Variants in SLC8A1 observed in about 807,000 individuals in gnomAD.
SLC8A1 encodes solute carrier family 8 member A1.
SLC8A1 carries 18 observed loss-of-function variants against 68.3 expected under a neutral mutation model. The ratio of observed to expected loss-of-function variants is 0.26; its 90% CI spans 0.18 to 0.39. The LOEUF (loss-of-function observed/expected upper bound fraction) is 0.39, where lower values mean the gene tolerates loss of function less well. SLC8A1 is among the 10% of genes least tolerant of loss of function. The pLI, the probability that SLC8A1 is intolerant of heterozygous loss-of-function variation, is 1.00. For missense variants in SLC8A1, 985 were observed against 1,156.7 expected, an observed-to-expected ratio of 0.85 and a Z score of 2.15; for synonymous variants, 475 against 415.5, an observed-to-expected ratio of 1.14 and a Z score of -1.74.
chr2:40,196,429 T>A (rs1573904123), intron 2 of SLC8A1, among the ~76,000 whole-genome samples: 1 of 152,116 alleles, frequency 6.6e-6, no homozygotes, highest in African/African-American at 2.4e-5. Flanking sequence ...CTCAGTTTTA[T>A]GGAAGGAACA....
exon 8 of SLC8A1, chr2:40,112,439 A>T (rs991432223): frequency 6.6e-6 from 1 of 152,504 alleles, no homozygotes; most frequent in African/African-American, 2.4e-5. Flanking sequence ...TTCCTAGAAC[A>T]TGAAAATTTA....
At chr2:40,448,506 A>G (rs919346478) in intron 1 of SLC8A1, among the ~76,000 whole-genome samples, 1 of 152,190 alleles carries the variant, frequency 6.6e-6, no homozygotes, top group Non-Finnish European at 1.5e-5. Context: ...GAACAGAAAT[A>G]CCTTCGTTTA....
chr2:40,422,241 T>C (rs994005697), intron 2 of SLC8A1, among the ~76,000 whole-genome samples: 1 of 152,042 alleles, frequency 6.6e-6, no homozygotes, highest in Admixed American at 6.6e-5. Context: ...TATACTGTAA[T>C]AAGGGACTAA....
At chr2:40,141,953 C>T (rs1007407897) in intron 6 of SLC8A1, among the ~76,000 whole-genome samples, 6 of 152,130 alleles carry the variant, frequency 3.9e-5, no homozygotes, top group African/African-American at 7.2e-5. Context: ...CAGGAGAAAT[C>T]GAACCTGCCA....
chr2:40,458,628 G>C (rs895287299), intron 1 of SLC8A1, among the ~76,000 whole-genome samples: 2 of 152,086 alleles, frequency 1.3e-5, no homozygotes, highest in African/African-American at 4.8e-5. Flanking sequence ...CCTGCTCTGC[G>C]ATGACAGACA....
intron 2 of SLC8A1, among the ~76,000 whole-genome samples, chr2:40,316,699 C>A (rs1390812405): frequency 6.6e-6 from 1 of 152,008 alleles, no homozygotes; most frequent in African/African-American, 2.4e-5. Context: ...CTTCTCTGAG[C>A]TTATTTCCTA....
chr2:40,338,341 G>T (rs561504165), intron 2 of SLC8A1, among the ~76,000 whole-genome samples: 1 of 152,132 alleles, frequency 6.6e-6, no homozygotes, highest in East Asian at 1.9e-4. Flanking sequence ...GTGTGTGTGT[G>T]TATATATGTC....
chr2:40,188,787 C>T (rs990408015), intron 2 of SLC8A1, among the ~76,000 whole-genome samples: 4 of 152,194 alleles, frequency 2.6e-5, no homozygotes, highest in Non-Finnish European at 5.9e-5. Flanking sequence ...TGTTTTCCCT[C>T]CTTCCCTCTC....
At chr2:40,264,467 T>C (rs982928889) in intron 2 of SLC8A1, among the ~76,000 whole-genome samples, 4 of 152,140 alleles carry the variant, frequency 2.6e-5, no homozygotes, top group Middle Eastern at 3.4e-3. Context: ...CCAACAATGA[T>C]AGACTGGATT....
At chr2:40,463,523 T>A (rs1268836066) in intron 1 of SLC8A1, among the ~76,000 whole-genome samples, 1 of 152,130 alleles carries the variant, frequency 6.6e-6, no homozygotes, top group Non-Finnish European at 1.5e-5. Flanking sequence ...CTCTCTCTCA[T>A]ACAAAATTTA....
chr2:40,278,493 AAACAAAACAAAAAG>A (rs2067071962), intron 2 of SLC8A1, among the ~76,000 whole-genome samples: 1 of 151,950 alleles, frequency 6.6e-6, no homozygotes, highest in Non-Finnish European at 1.5e-5. Context: ...AAACAAAACA[AAACAAAACAAAAAG>A]AAAGAAAAGC....
At chr2:40,341,191 G>A (rs1183318822) in intron 2 of SLC8A1, among the ~76,000 whole-genome samples, 1 of 152,150 alleles carries the variant, frequency 6.6e-6, no homozygotes, top group African/African-American at 2.4e-5. Flanking sequence ...ACATACGGGA[G>A]TGTGAGACTG....
intron 2 of SLC8A1, among the ~76,000 whole-genome samples, chr2:40,334,068 AAC>A (rs1426479595): frequency 6.6e-6 from 1 of 152,174 alleles, no homozygotes; most frequent in African/African-American, 2.4e-5. Context: ...ACAACAAAAA[AAC>A]AATCAATATG....
At chr2:40,117,301 T>C (rs2035655075) in intron 7 of SLC8A1, among the ~76,000 whole-genome samples, 1 of 150,068 alleles carries the variant, frequency 6.7e-6, no homozygotes, top group African/African-American at 2.5e-5. Flanking sequence ...TCCCAGTACT[T>C]TGGGAGGCCG....
intron 2 of SLC8A1, among the ~76,000 whole-genome samples, chr2:40,392,558 C>T (rs1412366471): frequency 6.6e-6 from 1 of 152,058 alleles, no homozygotes; most frequent in Non-Finnish European, 1.5e-5. Context: ...AGGCTGGTAT[C>T]AATTGTCATG....
chr2:40,442,726 C>T (rs774744330), intron 1 of SLC8A1, among the ~76,000 whole-genome samples: 22 of 152,134 alleles, frequency 1.4e-4, no homozygotes, highest in Non-Finnish European at 2.4e-4. Flanking sequence ...ACCAGAAATA[C>T]CATTTGACCT....
chr2:40,440,512 T>C (rs954602223), intron 1 of SLC8A1, among the ~76,000 whole-genome samples: 1 of 152,162 alleles, frequency 6.6e-6, no homozygotes, highest in African/African-American at 2.4e-5. Flanking sequence ...TTTATGTATA[T>C]AGCAAAGTGC....
At chr2:40,115,741 G>A (rs1277944719) in intron 7 of SLC8A1, 112 bp from the exon 11 acceptor site, 3 of 1,389,076 alleles carry the variant, frequency 2.2e-6, no homozygotes, top group East Asian at 4.6e-5. Context: ...TAAACCCAGT[G>A]ACCAAGAAAT....
chr2:40,511,902 T>C (rs1431407384), intron 1 of SLC8A1, among the ~76,000 whole-genome samples: 3 of 152,122 alleles, frequency 2.0e-5, no homozygotes, highest in Non-Finnish European at 2.9e-5. Context: ...GCTCTTCCTA[T>C]GTCTAAGGAA....
Sources: allele counts gnomAD v4.1 joint callset (sites outside exome capture counted in the v4.1 genomes callset), GRCh38; gene constraint gnomAD v4.1.1; transcripts MANE v1.5; gene names NCBI Gene and HGNC (gene_info 2026-07-23, HGNC 2026-07-21).